The following KCNH1 variants were observed in gnomAD, a reference collection of about 807,000 sequenced individuals.
The protein encoded by KCNH1 is voltage-gated delayed rectifier potassium channel KCNH1.
In KCNH1, 27 loss-of-function variants were observed where a neutral mutation model predicts 69.2. The ratio of observed to expected loss-of-function variants is 0.39; its 90% CI spans 0.29 to 0.54. The LOEUF is 0.54. Among genes scored for constraint, KCNH1 ranks in the 20% least tolerant of loss-of-function variants. The pLI, the probability that KCNH1 is intolerant of heterozygous loss-of-function variation, is 0.68. For synonymous variants in KCNH1, 456 were observed against 487.7 expected (o/e 0.93, Z 0.86); for missense variants, 798 against 1,261.6 (o/e 0.63, Z 5.57).
intron 6 of KCNH1, among the ~76,000 whole-genome samples, chr1:210,977,702 A>T (rs1292587863): frequency 6.6e-6 from 1 of 152,320 alleles, no homozygotes; most frequent in South Asian, 2.1e-4. Flanking sequence ...CTTTGACCCA[A>T]TGTTTTACAT....
At chr1:211,083,223 C>T (rs1690889173) in intron 4 of KCNH1, among the ~76,000 whole-genome samples, 1 of 152,248 alleles carries the variant, frequency 6.6e-6, no homozygotes, top group South Asian at 2.1e-4. Flanking sequence ...TCTCTTCACT[C>T]TGGCCCAAGC....
At chr1:211,010,781 TCCCCTGC>T in intron 6 of KCNH1, among the ~76,000 whole-genome samples, 1 of 152,194 alleles carries the variant, frequency 6.6e-6, no homozygotes, top group East Asian at 1.9e-4. Flanking sequence ...TGTATGCCTA[TCCCCTGC>T]CATCTAAGTC....
intron 7 of KCNH1, among the ~76,000 whole-genome samples, chr1:210,809,523 A>G (rs1416169120): frequency 6.6e-6 from 1 of 152,186 alleles, no homozygotes; most frequent in African/African-American, 2.4e-5. Context: ...ATAAAAAGAG[A>G]AACATGCATG....
At chr1:210,947,592 C>G (rs1027997272) in intron 6 of KCNH1, among the ~76,000 whole-genome samples, 14 of 150,848 alleles carry the variant, frequency 9.3e-5, no homozygotes, top group Admixed American at 2.6e-4. Flanking sequence ...AAAAAAAGCT[C>G]AATTCTTCAC....
intron 10 of KCNH1, among the ~76,000 whole-genome samples, chr1:210,704,003 G>C (rs1050163381): frequency 6.6e-6 from 1 of 152,126 alleles, no homozygotes; most frequent in Non-Finnish European, 1.5e-5. Flanking sequence ...CGAGAGACAA[G>C]ACACACCTCT....
At chr1:211,129,349 C>T (rs1691837032) in intron 1 of KCNH1, among the ~76,000 whole-genome samples, 1 of 152,198 alleles carries the variant, frequency 6.6e-6, no homozygotes, top group African/African-American at 2.4e-5. Flanking sequence ...ATATGCAGAG[C>T]TGGCATCGGA....
intron 1 of KCNH1, among the ~76,000 whole-genome samples, chr1:211,118,982 G>C (rs1356101268): frequency 2.0e-5 from 3 of 152,170 alleles, no homozygotes; most frequent in Non-Finnish European, 4.4e-5. Flanking sequence ...AATAACTTGA[G>C]ATATTTTACT....
At chr1:210,895,688 T>C (rs972514482) in intron 7 of KCNH1, among the ~76,000 whole-genome samples, 1 of 151,602 alleles carries the variant, frequency 6.6e-6, no homozygotes, top group Non-Finnish European at 1.5e-5. Context: ...TCAGGAAACA[T>C]AGGAAAGGGA....
intron 5 of KCNH1, among the ~76,000 whole-genome samples, chr1:211,049,707 G>A (rs187020715): frequency 6.6e-4 from 101 of 152,290 alleles, no homozygotes; most frequent in African/African-American, 2.4e-3. Flanking sequence ...CCTGCTACAA[G>A]ACCACTGCAG....
intron 10 of KCNH1, among the ~76,000 whole-genome samples, chr1:210,694,378 G>T (rs954531673): frequency 6.6e-6 from 1 of 151,958 alleles, no homozygotes; most frequent in Non-Finnish European, 1.5e-5. Flanking sequence ...TCCCCTTAGT[G>T]ACTGACTGAC....
chr1:210,861,441 TG>T (rs1387861605), intron 7 of KCNH1: 2 of 776,466 alleles, frequency 2.6e-6, no homozygotes, highest in African/African-American at 3.4e-5. Flanking sequence ...TAGGAAACAC[TG>T]CCAGAGCTTC....
chr1:211,061,854 G>C (rs1399643912), intron 5 of KCNH1, among the ~76,000 whole-genome samples: 1 of 152,054 alleles, frequency 6.6e-6, no homozygotes, highest in Non-Finnish European at 1.5e-5. Context: ...ATGCCCATGA[G>C]TTAGAAGAAT....
intron 10 of KCNH1, among the ~76,000 whole-genome samples, chr1:210,716,931 G>A (rs751976777): frequency 8.5e-5 from 13 of 152,168 alleles, no homozygotes; most frequent in Admixed American, 3.9e-4. Context: ...ACCCATGTGT[G>A]ACCCTCTGTG....
At chr1:210,915,060 C>T (rs1305507469) in intron 7 of KCNH1, among the ~76,000 whole-genome samples, 1 of 152,038 alleles carries the variant, frequency 6.6e-6, no homozygotes, top group African/African-American at 2.4e-5. Context: ...TCAAATTACC[C>T]CCAGAGAGCT....
intron 7 of KCNH1, among the ~76,000 whole-genome samples, chr1:210,851,412 A>T (rs879915921): frequency 6.6e-6 from 1 of 152,266 alleles, no homozygotes; most frequent in Non-Finnish European, 1.5e-5. Flanking sequence ...CGTAAAGTGA[A>T]GCAACACTGG....
chr1:210,938,147 C>G (rs1363340334), intron 6 of KCNH1, among the ~76,000 whole-genome samples: 6 of 152,208 alleles, frequency 3.9e-5, no homozygotes, highest in Non-Finnish European at 1.5e-5. Flanking sequence ...TCTATAATCT[C>G]TCAAGTACAA....
At chr1:210,731,014 G>C (rs1388003357) in intron 10 of KCNH1, among the ~76,000 whole-genome samples, 1 of 152,096 alleles carries the variant, frequency 6.6e-6, no homozygotes, top group Non-Finnish European at 1.5e-5. Flanking sequence ...GGTGTCTGTG[G>C]TTCACAAGAC....
chr1:211,030,093 T>A (rs143204625), intron 5 of KCNH1, among the ~76,000 whole-genome samples: 1 of 152,232 alleles, frequency 6.6e-6, no homozygotes, highest in Non-Finnish European at 1.5e-5. Context: ...CAAATCGTTA[T>A]ACAAGTTTAG....
intron 1 of KCNH1, among the ~76,000 whole-genome samples, chr1:211,118,580 T>C (rs1485280480): frequency 6.6e-6 from 1 of 152,172 alleles, no homozygotes; most frequent in Non-Finnish European, 1.5e-5. Context: ...CCCACATAGT[T>C]TTCCTCTGGT....
Sources: gnomAD v4.1 joint callset for allele counts (sites outside exome capture counted in the v4.1 genomes callset) on GRCh38, gnomAD v4.1.1 for gene constraint, MANE v1.5 for transcripts, NCBI Gene and HGNC (gene_info 2026-07-23, HGNC 2026-07-21) for gene names.